ZNF366: variants seen among roughly 807,000 people sequenced by gnomAD.
ZNF366 encodes the protein dendritic cell-specific transcript protein.
A neutral mutation model predicts 47.2 loss-of-function variants in ZNF366; 20 were observed. That is an observed-to-expected ratio of 0.42 (90% CI 0.30 to 0.62). ZNF366 has a LOEUF of 0.62. ZNF366 is among the 20% of genes least tolerant of loss of function. The pLI is 0.16. For synonymous variants in ZNF366, 421 were observed against 395.1 expected, an observed-to-expected ratio of 1.07 and a Z score of -0.78; for missense variants, 987 against 976.3, an observed-to-expected ratio of 1.01 and a Z score of -0.15.
chr5:72,506,777 C>T (rs1209332240), intron 1 of ZNF366, among the ~76,000 whole-genome samples: 1 of 152,172 alleles, frequency 6.6e-6, no homozygotes, highest in Non-Finnish European at 1.5e-5. Context: ...TAACAATTAA[C>T]AATCCTCCTT....
At chr5:72,469,788 G>A (rs2112335773) in intron 1 of ZNF366, among the ~76,000 whole-genome samples, 1 of 152,294 alleles carries the variant, frequency 6.6e-6, no homozygotes, top group Middle Eastern at 3.4e-3. Flanking sequence ...GCTCACGCCT[G>A]TAATCCCAGC....
chr5:72,447,316 G>A lies in ZNF366; in HGVS notation c.1626C>T (p.Phe542=), dbSNP rs1209734083. 2 of 1,614,112 alleles carry A rather than the reference G, an allele frequency of 1.2e-6. No homozygotes were observed. The highest frequency in any genetic ancestry group is 2.7e-5 in the African/African-American group (2 of 74,934). ...GGCGTGTCAGGTTCCCCTTCAGGGTGAATTTGCTTGGGCAATAGAGGCACT... is the reference window on the plus strand; with the variant it reads ...GGCGTGTCAGGTTCCCCTTCAGGGTAAATTTGCTTGGGCAATAGAGGCACT... ...PFKCLYCPSK[F]TLKGNLTRHM... The change falls in exon 4 of 5, where the codon TTC becomes TTT. Residue 542 remains phenylalanine (F), a synonymous_variant. Transcript: ENST00000318442.
chr5:72,448,096 T>C (rs932479308), intron 3 of ZNF366, among the ~76,000 whole-genome samples: 1 of 152,248 alleles, frequency 6.6e-6, no homozygotes. Flanking sequence ...TATAATACAC[T>C]GTATTATTGT....
intron 3 of ZNF366, among the ~76,000 whole-genome samples, chr5:72,449,381 G>T (rs1328633659): frequency 6.6e-6 from 1 of 152,120 alleles, no homozygotes; most frequent in Non-Finnish European, 1.5e-5. Flanking sequence ...AAGTAGCTGG[G>T]ACTACAGGCG....
At chr5:72,455,420 G>GA (rs879723767) in intron 3 of ZNF366, among the ~76,000 whole-genome samples, 6 of 152,118 alleles carry the variant, frequency 3.9e-5, no homozygotes, top group Non-Finnish European at 5.9e-5. Context: ...GTAGCAGAGA[G>GA]AAAAAACCTC....
chr5:72,477,768 C>T (rs1242413800), intron 1 of ZNF366, among the ~76,000 whole-genome samples: 1 of 152,148 alleles, frequency 6.6e-6, no homozygotes, highest in African/African-American at 2.4e-5. Context: ...TTCTGAGGCA[C>T]ACAGTCTCTG....
intron 1 of ZNF366, among the ~76,000 whole-genome samples, chr5:72,488,425 T>C (rs531706515): frequency 6.6e-6 from 1 of 152,248 alleles, no homozygotes; most frequent in Non-Finnish European, 1.5e-5. Flanking sequence ...ATTATGAACA[T>C]CCAACAGGCA....
intron 1 of ZNF366, among the ~76,000 whole-genome samples, chr5:72,506,859 C>A (rs955663142): frequency 2.6e-5 from 4 of 152,144 alleles, no homozygotes; most frequent in African/African-American, 9.7e-5. Context: ...TTAACAAAAA[C>A]CCCAGAGCAA....
At position 72,497,413 on chromosome 5, in the gene ZNF366, G is replaced by C. The variant is rs117645654; in HGVS notation, c.-15+9838C>G. The stretch of plus-strand genomic sequence containing the variant: ...TTTAAAAGACTATTTTCCCCTCATT[G>C]ACACCTTTGTCAAATCAATTGAACA... On this transcript the variant is annotated intron_variant, in intron 1 of 4. Coordinates refer to ENST00000318442, the MANE Select transcript of ZNF366 (RefSeq NM_152625.3). Among the ~76,000 whole-genome samples the C allele has an allele frequency of 1.8e-4, 27 of 152,064 alleles. No individual in the cohort carries two copies. The East Asian group carries it at 5.2e-3, about 29-fold the overall frequency.
chr5:72,495,942 T>C (rs1044179315), intron 1 of ZNF366, among the ~76,000 whole-genome samples: 3 of 152,184 alleles, frequency 2.0e-5, no homozygotes, highest in Non-Finnish European at 4.4e-5. Context: ...CAGTCTATTG[T>C]ATCTTTCTGG....
At chr5:72,454,421 A>G (rs1451988542) in intron 3 of ZNF366, among the ~76,000 whole-genome samples, 1 of 152,178 alleles carries the variant, frequency 6.6e-6, no homozygotes, top group Non-Finnish European at 1.5e-5. Context: ...AGGGTAGAGA[A>G]GCAGAAATGC....
chr5:72,490,080 C>T (rs1743975230), intron 1 of ZNF366, among the ~76,000 whole-genome samples: 1 of 152,200 alleles, frequency 6.6e-6, no homozygotes, highest in Admixed American at 6.5e-5. Flanking sequence ...GAGCTTCCTC[C>T]TTGCTGACTC....
intron 1 of ZNF366, among the ~76,000 whole-genome samples, chr5:72,462,325 T>A (rs993041084): frequency 6.6e-6 from 1 of 152,072 alleles, no homozygotes; most frequent in African/African-American, 2.4e-5. Context: ...AAGCCGCACA[T>A]GGGTCTCTCC....
chr5:72,495,378 C>T (rs1744093198), intron 1 of ZNF366, among the ~76,000 whole-genome samples: 1 of 152,144 alleles, frequency 6.6e-6, no homozygotes, highest in African/African-American at 2.4e-5. Context: ...AGAAACCGCA[C>T]AGGTGAACTC....
chr5:72,469,191 T>C (rs2112335299), intron 1 of ZNF366, among the ~76,000 whole-genome samples: 1 of 152,296 alleles, frequency 6.6e-6, no homozygotes, highest in South Asian at 2.1e-4. Context: ...TAGCCATCTG[T>C]GGAAGGAGCC....
In ZNF366 at chr5:72,442,717, G is replaced by T. The variant is rs1157464650; in HGVS notation, c.*1039C>A. 3.4e-5 allele frequency: 5 copies of T among 149,214 alleles called. No homozygotes were observed. In the East Asian group the frequency reaches 9.9e-4, roughly 29 times the overall value. 9.2% of individuals were successfully genotyped at this position (149,214 alleles called of 1,614,324 possible). On this transcript the variant is annotated 3_prime_UTR_variant, in exon 5 of 5. Coordinates refer to ENST00000318442, the MANE Select transcript of ZNF366 (RefSeq NM_152625.3). Reference sequence around the variant, plus strand: ...GTCACCCAGGCTGTAGTGCAGTAGCGTGATCTCAGCTCAGCTCACTGCAAT... The same window carrying T: ...GTCACCCAGGCTGTAGTGCAGTAGCTTGATCTCAGCTCAGCTCACTGCAAT...
intron 1 of ZNF366, among the ~76,000 whole-genome samples, chr5:72,504,105 GCACA>G (rs199645795): frequency 3.3e-5 from 5 of 151,710 alleles, no homozygotes; most frequent in African/African-American, 1.2e-4. Flanking sequence ...ACGCGTGCAT[GCACA>G]CACACACGCA....
chr5:72,505,316 G>A (rs756914332), intron 1 of ZNF366, among the ~76,000 whole-genome samples: 6 of 152,080 alleles, frequency 3.9e-5, no homozygotes, highest in Non-Finnish European at 8.8e-5. Context: ...TTTATTCTTC[G>A]GGTAGCTAAA....
At chr5:72,480,519 T>C (rs2112343484) in intron 1 of ZNF366, among the ~76,000 whole-genome samples, 1 of 152,298 alleles carries the variant, frequency 6.6e-6, no homozygotes, top group South Asian at 2.1e-4. Flanking sequence ...AGGTTGATTC[T>C]GATTTATCAC....
Sources: allele counts gnomAD v4.1 joint callset (sites outside exome capture counted in the v4.1 genomes callset), GRCh38; gene constraint gnomAD v4.1.1; transcripts MANE v1.5; gene names NCBI Gene and HGNC (gene_info 2026-07-23, HGNC 2026-07-21).